SRD5A1: variants seen among roughly 807,000 people sequenced by gnomAD.
SRD5A1 encodes 3-oxo-5-alpha-steroid 4-dehydrogenase 1.
In SRD5A1, 22 loss-of-function variants were observed where a neutral mutation model predicts 28.2. That is an observed-to-expected ratio of 0.78 (90% confidence interval 0.56 to 1.12). SRD5A1 has a LOEUF of 1.12. Among genes scored for constraint, SRD5A1 ranks in the 50% most tolerant of loss-of-function variants. SRD5A1 has a pLI of 0.00. For synonymous variants in SRD5A1, 151 were observed against 135.0 expected (o/e 1.12, Z -0.82); for missense variants, 300 against 346.7 (o/e 0.87, Z 1.07).
intron 1 of SRD5A1, among the ~76,000 whole-genome samples, chr5:6,649,480 G>A (rs914761020): frequency 2.0e-4 from 31 of 152,296 alleles, no homozygotes; most frequent in African/African-American, 7.0e-4. Flanking sequence ...AGCATCCCAG[G>A]TCAACCTCAA....
intron 1 of SRD5A1, among the ~76,000 whole-genome samples, chr5:6,643,557 T>C (rs185531548): frequency 3.3e-5 from 5 of 152,088 alleles, no homozygotes; most frequent in Admixed American, 2.6e-4. Context: ...CCCGAAGTGC[T>C]GGGATTACAG....
chr5:6,651,583 C>T (rs1045393268), intron 1 of SRD5A1, among the ~76,000 whole-genome samples: 1 of 152,046 alleles, frequency 6.6e-6, no homozygotes, highest in African/African-American at 2.4e-5. Flanking sequence ...TCGCTTAAGC[C>T]CTGGAGCTCA....
intron 2 of SRD5A1, among the ~76,000 whole-genome samples, chr5:6,652,308 T>G (rs922936550): frequency 6.6e-6 from 1 of 152,190 alleles, no homozygotes; most frequent in African/African-American, 2.4e-5. Flanking sequence ...GACTAAAGAT[T>G]GAGACCCTTT....
rs974887409 is a variant in SRD5A1 at position 6,652,839 on chromosome 5, G to A, written c.460+831G>A. Among the ~76,000 whole-genome samples, 13 of 139,056 alleles carry A rather than the reference G, an allele frequency of 9.3e-5. No homozygotes were observed. In the South Asian group the frequency reaches 9.4e-4, roughly 10 times the overall value. 91.2% of individuals were successfully genotyped at this position (139,056 alleles called of 152,430 possible). ...CAGTAAGCCATGATTGTGCCACTGCGTTCCAGCCTGGGTGACAGAGTGAGA... is the reference window on the plus strand; with the variant it reads ...CAGTAAGCCATGATTGTGCCACTGCATTCCAGCCTGGGTGACAGAGTGAGA... On this transcript the variant is annotated intron_variant, in intron 2 of 4. Coordinates refer to ENST00000274192, the MANE Select transcript of SRD5A1 (RefSeq NM_001047.4).
rs867830014 is a variant in SRD5A1 at position 6,651,969 on chromosome 5, T to C, written c.421T>C (p.Tyr141His). ...CAGATACTTGAGCCATTGTGCAGTGTATGCTGATGACTGGGTAACAGATCC... is the reference window on the plus strand; with the variant it reads ...CAGATACTTGAGCCATTGTGCAGTGCATGCTGATGACTGGGTAACAGATCC... ...QSRYLSHCAV[Y>H]ADDWVTDPRF... Residue 141 changes from tyrosine to histidine, a missense_variant, in exon 2 of 5, where the codon TAT becomes CAT. By Grantham distance (83) the Tyr-to-His change is moderately conservative. Around this residue, in one of 2 missense-constraint regions of SRD5A1, gnomAD observed 126 missense variants for 185.7 expected, o/e 0.68. Transcript: ENST00000274192. The C allele has an allele frequency of 6.2e-7, 1 of 1,614,106 alleles. No individual in the cohort carries two copies. Among genetic ancestry groups the C allele is most frequent in the Non-Finnish European group, 8.5e-7 (1 of 1,179,962 alleles).
intron 1 of SRD5A1, 79 bp from the exon 2 acceptor site, chr5:6,651,763 C>A: frequency 1.5e-6 from 2 of 1,358,804 alleles, no homozygotes; most frequent in South Asian, 1.5e-5. Flanking sequence ...GATTTAAAAC[C>A]CAAATCATTT....
In SRD5A1 at chr5:6,673,227, A is replaced by T. The variant is rs1739412178; in HGVS notation, c.*4959A>T. 2 of 152,364 alleles carry T rather than the reference A, an allele frequency of 1.3e-5. No individual in the cohort carries two copies. Among genetic ancestry groups the T allele is most frequent in the African/African-American group, 4.8e-5 (2 of 41,584 alleles). The allele number at this position is 152,364 out of a possible 1,614,324, so 9.4% of individuals were successfully genotyped here. On this transcript the variant is annotated 3_prime_UTR_variant, in exon 5 of 5. Coordinates refer to ENST00000274192, the MANE Select transcript of SRD5A1 (RefSeq NM_001047.4). The stretch of plus-strand genomic sequence containing the variant: ...ATGTTGGCGCAATCAGTCTAGAAAC[A>T]TATTTCTCCCATAACAATAAGCCAG...
intron 2 of SRD5A1, among the ~76,000 whole-genome samples, chr5:6,655,417 C>T (rs985668389): frequency 3.9e-5 from 6 of 152,144 alleles, no homozygotes; most frequent in Admixed American, 6.5e-5. Context: ...CTGGGGATAC[C>T]GTGGGATTCT....
intron 1 of SRD5A1, among the ~76,000 whole-genome samples, chr5:6,649,446 A>G (rs941916093): frequency 1.3e-5 from 2 of 152,068 alleles, no homozygotes; most frequent in African/African-American, 4.8e-5. Context: ...GCAGTGGTGG[A>G]TGCCCCTCCC....
rs1738072437 is a variant in SRD5A1 at position 6,633,818 on chromosome 5, G to A, written c.242G>A (p.Ser81Asn). The A allele has an allele frequency of 6.3e-7, 1 of 1,597,812 alleles. No individual in the cohort carries two copies. Among genetic ancestry groups the A allele is most frequent in the African/African-American group, 1.3e-5 (1 of 74,904 alleles). The change falls in exon 1 of 5, where the codon AGC becomes AAC. Residue 81 changes from serine (S) to asparagine (N), a missense_variant. Ser to Asn is a conservative substitution (Grantham distance 46). This residue lies in a region of SRD5A1 where 174 missense variants were observed against 160.9 expected (regional missense o/e 1.08). Transcript: ENST00000274192. ...AGCGAGTCCGCCCCGCGTCTCCGCA[G>A]CGCGCCCAACTGCATCCTCCTGGCC... ...YASESAPRLR[S>N]APNCILLAMF...
intron 4 of SRD5A1, among the ~76,000 whole-genome samples, chr5:6,666,757 C>T (rs954866368): frequency 6.6e-6 from 1 of 152,216 alleles, no homozygotes; most frequent in African/African-American, 2.4e-5. Context: ...CACACATGTT[C>T]TTTCTGATGT....
chr5:6,641,443 C>T (rs80329314), intron 1 of SRD5A1, among the ~76,000 whole-genome samples: 2,345 of 152,254 alleles, frequency 0.015, 24 homozygotes, highest in Non-Finnish European at 0.02. Context: ...TTCCTTGGAG[C>T]GGAGTGCTAG....
At chr5:6,634,421 C>CGGGGGGGGGGG (rs1213823799) in intron 1 of SRD5A1, among the ~76,000 whole-genome samples, 1 of 10,542 alleles carries the variant, frequency 9.5e-5, no homozygotes, top group African/African-American at 3.4e-4. Flanking sequence ...ACTGTGGGGG[C>CGGGGGGGGGGG]GGGGGGGAGG....
chr5:6,634,197 CCTGT>C (rs1738098349), intron 1 of SRD5A1, among the ~76,000 whole-genome samples: 3 of 152,194 alleles, frequency 2.0e-5, no homozygotes, highest in Admixed American at 2.0e-4. Context: ...CGCGGTGGCG[CCTGT>C]CTGTGATCCC....
intron 1 of SRD5A1, among the ~76,000 whole-genome samples, 198 bp from the exon 2 acceptor site, chr5:6,651,644 A>G (rs557752297): frequency 1.3e-5 from 2 of 152,332 alleles, no homozygotes; most frequent in South Asian, 4.1e-4. Context: ...TGGGCAACAC[A>G]GCAAGAACCT....
At chr5:6,661,195 G>A (rs531010050) in intron 3 of SRD5A1, among the ~76,000 whole-genome samples, 1 of 152,178 alleles carries the variant, frequency 6.6e-6, no homozygotes, top group South Asian at 2.1e-4. Flanking sequence ...AAAAAGAAAA[G>A]CACTGTGCTG....
chr5:6,652,059 A>G (rs2126538839), intron 2 of SRD5A1, 51 bp downstream of exon 2: 4 of 1,547,782 alleles, frequency 2.6e-6, no homozygotes, highest in Non-Finnish European at 3.5e-6. Context: ...TTGCTTTTAT[A>G]TTGATGTCCC....
At chr5:6,637,716 T>C (rs1413792100) in intron 1 of SRD5A1, among the ~76,000 whole-genome samples, 3 of 152,142 alleles carry the variant, frequency 2.0e-5, no homozygotes, top group Non-Finnish European at 4.4e-5. Context: ...CCTCAGTGAC[T>C]GCCTTTGTTA....
chr5:6,645,334 C>T (rs944575578), intron 1 of SRD5A1: 1 of 202,260 alleles, frequency 4.9e-6, no homozygotes, highest in African/African-American at 2.4e-5. Context: ...TAATAAAATT[C>T]ACCCATTTTA....
Sources: allele counts gnomAD v4.1 joint callset (sites outside exome capture counted in the v4.1 genomes callset), GRCh38; gene constraint gnomAD v4.1.1; regional missense constraint gnomAD v4.1.1; transcripts MANE v1.5; gene names NCBI Gene and HGNC (gene_info 2026-07-23, HGNC 2026-07-21).